Variants in KCNIP1 observed in about 807,000 individuals in gnomAD.
KCNIP1 encodes potassium voltage-gated channel interacting protein 1, also known as A-type potassium channel modulatory protein KCNIP1.
In KCNIP1, 18 loss-of-function variants were observed where a neutral mutation model predicts 33.0. That is an observed-to-expected ratio of 0.55 (90% confidence interval 0.38 to 0.81). The LOEUF is 0.81. Among genes scored for constraint, KCNIP1 ranks in the 30% least tolerant of loss-of-function variants. The probability of loss-of-function intolerance (pLI) is 0.00; values close to 1 mark genes in which losing one functional copy is unlikely to be tolerated. For synonymous variants in KCNIP1, 93 were observed against 98.3 expected (o/e 0.95, Z 0.32); for missense variants, 238 against 271.6 (o/e 0.88, Z 0.87).
At chr5:170,611,237 A>G (rs1039188679) in intron 1 of KCNIP1, among the ~76,000 whole-genome samples, 6 of 152,180 alleles carry the variant, frequency 3.9e-5, no homozygotes, top group Admixed American at 2.0e-4. Flanking sequence ...AGATGCTTAG[A>G]ATGTATCTGG....
chr5:170,595,447 T>C (rs1758410999), intron 1 of KCNIP1, among the ~76,000 whole-genome samples: 1 of 152,216 alleles, frequency 6.6e-6, no homozygotes, highest in African/African-American at 2.4e-5. Context: ...ATCCCCATGC[T>C]GAGCGCTTTG....
At chr5:170,653,974 A>G (rs1434959415) in intron 1 of KCNIP1, among the ~76,000 whole-genome samples, 1 of 152,160 alleles carries the variant, frequency 6.6e-6, no homozygotes, top group African/African-American at 2.4e-5. Flanking sequence ...TGACAAGCCC[A>G]CAGTGGTCCC....
intron 1 of KCNIP1, among the ~76,000 whole-genome samples, chr5:170,453,202 C>T (rs1225793118): frequency 6.6e-6 from 1 of 152,182 alleles, no homozygotes; most frequent in Non-Finnish European, 1.5e-5. Flanking sequence ...CATTTGCTCT[C>T]AAAATGCATT....
chr5:170,421,546 C>G (rs1474824376), intron 1 of KCNIP1, among the ~76,000 whole-genome samples: 1 of 152,158 alleles, frequency 6.6e-6, no homozygotes, highest in Admixed American at 6.5e-5. Flanking sequence ...TTCTGGTTCA[C>G]TGATGGCGTC....
intron 1 of KCNIP1, among the ~76,000 whole-genome samples, chr5:170,556,538 G>A (rs978964165): frequency 6.6e-5 from 10 of 152,210 alleles, no homozygotes; most frequent in Admixed American, 2.0e-4. Flanking sequence ...GGAGGTGGGG[G>A]GTGGGAGCCG....
At chr5:170,551,773 GA>G (rs1756646240) in intron 1 of KCNIP1, among the ~76,000 whole-genome samples, 2 of 151,904 alleles carry the variant, frequency 1.3e-5, no homozygotes, top group Admixed American at 1.3e-4. Context: ...GTAGGTGTAT[GA>G]ATGTGAGTGT....
At chr5:170,725,342 A>G (rs1464024141) in intron 5 of KCNIP1, among the ~76,000 whole-genome samples, 2 of 152,232 alleles carry the variant, frequency 1.3e-5, no homozygotes, top group Admixed American at 6.5e-5. Flanking sequence ...TACTTCTGCC[A>G]TAAAATAGAA....
chr5:170,457,402 A>G (rs1561634998), intron 1 of KCNIP1, among the ~76,000 whole-genome samples: 1 of 152,218 alleles, frequency 6.6e-6, no homozygotes, highest in Admixed American at 6.5e-5. Context: ...AGGAGAGCCA[A>G]GAGAACCCAC....
chr5:170,524,314 T>A (rs1338331811), intron 1 of KCNIP1, among the ~76,000 whole-genome samples: 1 of 152,120 alleles, frequency 6.6e-6, no homozygotes, highest in Non-Finnish European at 1.5e-5. Context: ...CACATGCACT[T>A]CTCCCAGTTG....
intron 1 of KCNIP1, among the ~76,000 whole-genome samples, chr5:170,622,284 AT>A (rs1353374755): frequency 6.6e-6 from 1 of 152,094 alleles, no homozygotes. Context: ...ATCATCTTGG[AT>A]TTGGGGTCTA....
chr5:170,694,169 C>T (rs1002121896), intron 1 of KCNIP1, among the ~76,000 whole-genome samples: 2 of 152,104 alleles, frequency 1.3e-5, no homozygotes, highest in African/African-American at 4.8e-5. Flanking sequence ...AATTAGAATG[C>T]TAATCTATAA....
rs373411666 is a variant in KCNIP1, at chr5:170,432,471, C to G, written c.88+78507C>G. ...CAGCTGGACACAATAAGAATGCTAG[C>G]TCAGAGCTGGCACTTGAGGGTTCGG... On this transcript the variant is annotated intron_variant, in intron 1 of 7. Transcript: ENST00000377360. 1.4e-4 allele frequency among the ~76,000 whole-genome samples: 21 copies of G among 152,316 alleles called. No homozygotes were observed. In the South Asian group the frequency reaches 4.2e-3, roughly 30 times the overall value.
chr5:170,416,345 A>G (rs930653226), intron 1 of KCNIP1, among the ~76,000 whole-genome samples: 3 of 152,144 alleles, frequency 2.0e-5, no homozygotes, highest in African/African-American at 7.2e-5. Flanking sequence ...GCCCTCAATC[A>G]GAAACCACAA....
chr5:170,502,246 G>C (rs1294463845), upstream of KCNIP1, among the ~76,000 whole-genome samples: 1 of 152,234 alleles, frequency 6.6e-6, no homozygotes, highest in Non-Finnish European at 1.5e-5. Context: ...GCAAAGGAAA[G>C]GAAGTATGTT....
intron 1 of KCNIP1, among the ~76,000 whole-genome samples, chr5:170,642,316 C>T (rs545133238): frequency 4.9e-4 from 74 of 152,132 alleles, no homozygotes; most frequent in Non-Finnish European, 1.0e-3. Context: ...AGCAGGGGGA[C>T]CTGGAAGGCA....
intron 1 of KCNIP1, chr5:170,376,331 T>G (rs913159922): frequency 2.0e-5 from 3 of 151,826 alleles, no homozygotes; most frequent in Admixed American, 6.6e-5. Flanking sequence ...CGGCTATGAT[T>G]TTTTCTATTT....
At chr5:170,360,182 A>G (rs1012202757) in intron 1 of KCNIP1, among the ~76,000 whole-genome samples, 1 of 152,104 alleles carries the variant, frequency 6.6e-6, no homozygotes, top group Non-Finnish European at 1.5e-5. Context: ...GGGTTACAGA[A>G]TCTCCCCTGG....
At chr5:170,422,334 C>T (rs1755514474) in intron 1 of KCNIP1, 2 of 152,208 alleles carry the variant, frequency 1.3e-5, no homozygotes, top group Non-Finnish European at 2.9e-5. Context: ...AGGTCTTCAA[C>T]TTTATCGTCT....
At chr5:170,464,184 A>C (rs1484657695) in intron 1 of KCNIP1, among the ~76,000 whole-genome samples, 1 of 152,266 alleles carries the variant, frequency 6.6e-6, no homozygotes, top group African/African-American at 2.4e-5. Context: ...GTTCATGATC[A>C]GAAGACTTAT....
Sources: allele counts gnomAD v4.1 joint callset (sites outside exome capture counted in the v4.1 genomes callset), GRCh38; gene constraint gnomAD v4.1.1; transcripts MANE v1.5; gene names NCBI Gene and HGNC (gene_info 2026-07-23, HGNC 2026-07-21).